CYP27C1: variants seen among roughly 807,000 people sequenced by gnomAD.
The protein encoded by CYP27C1 is cytochrome P450 27C1.
CYP27C1 carries 29 observed loss-of-function variants against 40.6 expected under a neutral mutation model. That is an observed-to-expected ratio of 0.71 (90% CI 0.53 to 0.97). CYP27C1 has a LOEUF of 0.97. CYP27C1 is among the 50% of genes least tolerant of loss of function. The pLI is 0.00. For missense variants in CYP27C1, 390 were observed against 485.8 expected, an observed-to-expected ratio of 0.80 and a Z score of 1.85; for synonymous variants, 198 against 186.8, an observed-to-expected ratio of 1.06 and a Z score of -0.49.
At chr2:127,188,018 C>T (rs1316765987) in intron 8 of CYP27C1, among the ~76,000 whole-genome samples, 6 of 152,162 alleles carry the variant, frequency 3.9e-5, no homozygotes, top group Non-Finnish European at 7.3e-5. Flanking sequence ...TTATCTCCCC[C>T]GGCGGCCGGC....
intron 1 of CYP27C1, among the ~76,000 whole-genome samples, chr2:127,215,536 A>G (rs954800234): frequency 3.9e-5 from 6 of 152,208 alleles, no homozygotes; most frequent in Non-Finnish European, 8.8e-5. Context: ...GGACTTCATC[A>G]AAATTTAAAA....
chr2:127,212,407 A>T (rs1437520507), intron 1 of CYP27C1, among the ~76,000 whole-genome samples: 1 of 152,240 alleles, frequency 6.6e-6, no homozygotes, highest in Non-Finnish European at 1.5e-5. Flanking sequence ...ACATTGATGC[A>T]AAAGTCCTTA....
intron 1 of CYP27C1, among the ~76,000 whole-genome samples, chr2:127,206,747 AGCAG>A (rs1683236402): frequency 2.6e-5 from 4 of 152,320 alleles, no homozygotes; most frequent in African/African-American, 9.6e-5. Context: ...GCTCTACCCA[AGCAG>A]TACCAAGCCA....
Position 127,205,784 on chromosome 2 carries a change from T to TG in CYP27C1, c.473+115dup, listed in dbSNP as rs201801731. 1,910 of 983,768 alleles carry TG rather than the reference T, an allele frequency of 1.9e-3. 34 individuals carry two copies. In the African/African-American group the frequency reaches 0.029, roughly 15 times the overall value. The allele number at this position is 983,768 out of a possible 1,614,324, so 60.9% of individuals were successfully genotyped here. ...AAGGAGACTGTCTGATATCATTCCA[T>TG]GGGGGGGTTCTGTGCTTTTTTAAGA... On this transcript the variant is annotated intron_variant, in intron 2 of 8. Transcript: ENST00000664447.
chr2:127,217,996 T>C (rs1431880516), intron 1 of CYP27C1, among the ~76,000 whole-genome samples: 1 of 152,234 alleles, frequency 6.6e-6, no homozygotes, highest in East Asian at 1.9e-4. Flanking sequence ...AACTTTTTCC[T>C]TTATTTCTTT....
Position 127,204,530 on chromosome 2 carries a change from A to AG in CYP27C1, c.474-960_474-959insC, listed in dbSNP as rs1558931234. Among the ~76,000 whole-genome samples, 262 of 44,634 alleles carry AG rather than the reference A, an allele frequency of 5.9e-3. 21 individuals carry two copies. Among genetic ancestry groups the AG allele is most frequent in the East Asian group, 0.026 (25 of 944 alleles). The allele number at this position is 44,634 out of a possible 152,430, so 29.3% of individuals were successfully genotyped here. ...GAAAGAAAGAAGGAAAGAAAGAAAG[A>AG]AAGAAAGAGAGAGAGAGAGAGAGAG... On this transcript the variant is annotated intron_variant, in intron 2 of 8. Coordinates refer to ENST00000664447, the MANE Select transcript of CYP27C1 (RefSeq NM_001367502.1).
At position 127,220,188 on chromosome 2, in the gene CYP27C1, C is replaced by G. The variant is rs935740596; in HGVS notation, c.83G>C (p.Arg28Pro). The G allele has an allele frequency of 1.3e-5, 2 of 149,656 alleles. No individual in the cohort carries two copies. The highest frequency in any genetic ancestry group is 4.9e-5 in the African/African-American group (2 of 41,154). 9.3% of individuals were successfully genotyped at this position (149,656 alleles called of 1,614,324 possible). A position where few individuals can be genotyped will look rare whatever the true frequency, so the allele number is the denominator to read the frequency against. The change falls in exon 1 of 9, where the codon CGG becomes CCG. Residue 28 changes from arginine to proline, a missense_variant. Transcript: ENST00000664447. The surrounding 1 kb of genome is among the most constrained non-coding windows in gnomAD (Gnocchi z 4.6). ...RGGLLGGGAPRRPQPAGARLP... is the reference protein window; with the variant it reads ...RGGLLGGGAPPRPQPAGARLP... ...CCGTGCGCCCGCGGGTTGAGGCCGCCGCGGGGCCCCGCCGCCCAGGAGCCC... is the reference window on the plus strand; with the variant it reads ...CCGTGCGCCCGCGGGTTGAGGCCGCGGCGGGGCCCCGCCGCCCAGGAGCCC...
chr2:127,194,301 A>G (rs1205924817), intron 6 of CYP27C1, among the ~76,000 whole-genome samples: 1 of 152,210 alleles, frequency 6.6e-6, no homozygotes, highest in African/African-American at 2.4e-5. Flanking sequence ...ATTGACAAAT[A>G]CCAATAAACC....
chr2:127,190,305 C>G (rs1196735171), intron 8 of CYP27C1, among the ~76,000 whole-genome samples: 1 of 147,908 alleles, frequency 6.8e-6, no homozygotes, highest in Admixed American at 6.7e-5. Context: ...CCTTCCTGCT[C>G]ATTCCTGGTA....
At chr2:127,187,486 G>T in intron 8 of CYP27C1, 99 bp from the exon 9 acceptor site, 1 of 1,021,322 alleles carries the variant, frequency 9.8e-7, no homozygotes, top group Non-Finnish European at 1.5e-6. Context: ...GCACTGGGCT[G>T]CAGAGAGCGC....
chr2:127,204,605 G>GAA (rs1399227019), intron 2 of CYP27C1, among the ~76,000 whole-genome samples: 1 of 101,690 alleles, frequency 9.8e-6, no homozygotes, highest in East Asian at 3.4e-4. Flanking sequence ...AAGAAAGAAA[G>GAA]AAAGAAAGAA....
intron 2 of CYP27C1, 116 bp from the exon 3 acceptor site, chr2:127,203,687 A>G: frequency 1.9e-6 from 2 of 1,046,826 alleles, no homozygotes; most frequent in Non-Finnish European, 2.8e-6. Context: ...GCTGCCCAAC[A>G]AAGTAGAATT....
intron 3 of CYP27C1, among the ~76,000 whole-genome samples, chr2:127,202,529 T>C (rs1156430835): frequency 6.6e-6 from 1 of 152,232 alleles, no homozygotes; most frequent in African/African-American, 2.4e-5. Context: ...CATGCGTTTT[T>C]CTGTATGTGC....
intron 1 of CYP27C1, among the ~76,000 whole-genome samples, chr2:127,216,691 T>C (rs1683436830): frequency 1.3e-5 from 2 of 152,202 alleles, no homozygotes; most frequent in African/African-American, 4.8e-5. Flanking sequence ...AAGAAAGCTG[T>C]TACTCCCTGC....
intron 8 of CYP27C1, among the ~76,000 whole-genome samples, chr2:127,187,708 T>C (rs1191303828): frequency 4.6e-5 from 7 of 152,254 alleles, no homozygotes; most frequent in Non-Finnish European, 1.0e-4. Flanking sequence ...TTTGCTTCCA[T>C]TGCAGGTCTA....
intron 3 of CYP27C1, among the ~76,000 whole-genome samples, 185 bp downstream of exon 3, chr2:127,203,187 C>T (rs1165400716): frequency 1.2e-4 from 18 of 149,060 alleles, no homozygotes; most frequent in Non-Finnish European, 1.5e-4. Flanking sequence ...AAAAAAAAGT[C>T]TCAGTTTCCT....
intron 1 of CYP27C1, among the ~76,000 whole-genome samples, chr2:127,206,333 G>A (rs1478346559): frequency 6.6e-6 from 1 of 151,926 alleles, no homozygotes; most frequent in Non-Finnish European, 1.5e-5. Flanking sequence ...TTTAGAGACA[G>A]GGTCTTGCTC....
intron 1 of CYP27C1, among the ~76,000 whole-genome samples, chr2:127,217,616 C>T (rs1683457924): frequency 6.6e-6 from 1 of 152,184 alleles, no homozygotes; most frequent in South Asian, 2.1e-4. Flanking sequence ...TGCTGCTCTA[C>T]CACACCCTAA....
intron 5 of CYP27C1, 25 bp downstream of exon 5, chr2:127,199,351 C>A (rs1188858023): frequency 2.1e-5 from 34 of 1,609,870 alleles, no homozygotes; most frequent in Non-Finnish European, 2.8e-5. Flanking sequence ...GTGTTGCTTG[C>A]TGAGAACAGG....
Sources: allele counts gnomAD v4.1 joint callset (sites outside exome capture counted in the v4.1 genomes callset), GRCh38; gene constraint gnomAD v4.1.1; non-coding constraint Gnocchi (gnomAD v3.1); transcripts MANE v1.5; gene names NCBI Gene and HGNC (gene_info 2026-07-23, HGNC 2026-07-21).